CCSER1: variants seen among roughly 807,000 people sequenced by gnomAD.
CCSER1 encodes coiled-coil serine rich protein 1.
Under a neutral mutation model 82.0 loss-of-function variants are expected in CCSER1, and 41 were observed. The ratio of observed to expected loss-of-function variants is 0.50; its 90% CI spans 0.39 to 0.65. CCSER1 has a LOEUF of 0.65. Among genes scored for constraint, CCSER1 ranks in the 30% least tolerant of loss-of-function variants. CCSER1 has a pLI of 0.00. For missense variants in CCSER1, 1,119 were observed against 1,064.2 expected (o/e 1.05, Z -0.72); for synonymous variants, 414 against 383.9 (o/e 1.08, Z -0.92).
At chr4:91,396,150 T>C (rs1446482216) in intron 10 of CCSER1, among the ~76,000 whole-genome samples, 1 of 152,132 alleles carries the variant, frequency 6.6e-6, no homozygotes, top group African/African-American at 2.4e-5. Context: ...AACTGGGTCC[T>C]GTGAACTTTA....
At chr4:90,647,083 C>T (rs1184995373) in intron 6 of CCSER1, among the ~76,000 whole-genome samples, 1 of 152,072 alleles carries the variant, frequency 6.6e-6, no homozygotes, top group Non-Finnish European at 1.5e-5. Context: ...AATTTCTGTC[C>T]CTAGCATGAT....
At chr4:91,573,149 C>G (rs1343827674) in intron 10 of CCSER1, among the ~76,000 whole-genome samples, 1 of 152,182 alleles carries the variant, frequency 6.6e-6, no homozygotes, top group African/African-American at 2.4e-5. Context: ...GGGGGAACCC[C>G]TCCAACCCTG....
intron 3 of CCSER1, among the ~76,000 whole-genome samples, chr4:90,398,362 T>C (rs911691600): frequency 3.3e-5 from 5 of 152,182 alleles, no homozygotes; most frequent in Non-Finnish European, 7.4e-5. Context: ...GAATTCAAAA[T>C]CCAAGTGTAA....
intron 8 of CCSER1, among the ~76,000 whole-genome samples, chr4:90,910,853 A>G (rs1387891196): frequency 6.6e-6 from 1 of 151,970 alleles, no homozygotes; most frequent in Non-Finnish European, 1.5e-5. Flanking sequence ...CCAAAAACTG[A>G]AAGCATCTCA....
intron 10 of CCSER1, among the ~76,000 whole-genome samples, chr4:91,467,218 T>G (rs1756967223): frequency 6.6e-6 from 1 of 152,158 alleles, no homozygotes; most frequent in East Asian, 1.9e-4. Context: ...TACAACCATC[T>G]TTGACAAACC....
chr4:90,413,338 T>G (rs1755190073), intron 4 of CCSER1, among the ~76,000 whole-genome samples: 1 of 152,202 alleles, frequency 6.6e-6, no homozygotes, highest in Non-Finnish European at 1.5e-5. Context: ...TGCTCGTGGA[T>G]GGGTAGAACC....
rs187497547 is a variant in CCSER1 at position 90,148,248 on chromosome 4, G to A, written c.-42+20417G>A. On this transcript the variant is annotated intron_variant, in intron 1 of 10. Coordinates refer to ENST00000509176, the MANE Select transcript of CCSER1 (RefSeq NM_001145065.2). ...ACCTTTAGGAGTTAAAGAAATTAAT[G>A]GTTTATATTTTTCACTCAAATAAAC... is the stretch of plus-strand genomic sequence containing the variant. Among the ~76,000 whole-genome samples the A allele has an allele frequency of 3.3e-5, 5 of 152,084 alleles. No homozygotes were observed. The East Asian group carries it at 9.7e-4, about 29-fold the overall frequency.
intron 10 of CCSER1, among the ~76,000 whole-genome samples, chr4:91,164,578 A>G (rs189568813): frequency 3.0e-4 from 45 of 152,312 alleles, no homozygotes; most frequent in African/African-American, 1.1e-3. Flanking sequence ...AATCAAATGT[A>G]GACTTGGTCT....
chr4:91,551,815 C>CT (rs1048303936), intron 10 of CCSER1, among the ~76,000 whole-genome samples: 1 of 151,554 alleles, frequency 6.6e-6, no homozygotes, highest in Non-Finnish European at 1.5e-5. Context: ...CAAAAGGTCA[C>CT]TTTTTTGCAT....
At chr4:90,812,181 C>G (rs868605691) in intron 7 of CCSER1, among the ~76,000 whole-genome samples, 1 of 150,180 alleles carries the variant, frequency 6.7e-6, no homozygotes, top group African/African-American at 2.4e-5. Context: ...CTAGGCCACT[C>G]TCTCTTTTCA....
intron 8 of CCSER1, among the ~76,000 whole-genome samples, chr4:90,889,988 A>G (rs757010355): frequency 6.6e-6 from 1 of 152,098 alleles, no homozygotes; most frequent in Non-Finnish European, 1.5e-5. Context: ...TAAAGAGCAT[A>G]TTTTCTTTTA....
At chr4:90,747,702 G>T (rs146736411) in intron 7 of CCSER1, among the ~76,000 whole-genome samples, 1 of 151,102 alleles carries the variant, frequency 6.6e-6, no homozygotes, top group Non-Finnish European at 1.5e-5. Flanking sequence ...TGCACGATGT[G>T]CAGGTTAGTT....
intron 9 of CCSER1, among the ~76,000 whole-genome samples, chr4:91,037,658 TG>T (rs1462979435): frequency 6.6e-6 from 1 of 152,204 alleles, no homozygotes; most frequent in Admixed American, 6.5e-5. Flanking sequence ...TGATGTTTTT[TG>T]TATTTGCCAT....
At chr4:90,790,643 C>T (rs1478450091) in intron 7 of CCSER1, among the ~76,000 whole-genome samples, 2 of 152,160 alleles carry the variant, frequency 1.3e-5, no homozygotes, top group Non-Finnish European at 2.9e-5. Context: ...CAAACTGGAA[C>T]TTCCCAACAA....
chr4:91,226,934 A>C (rs1356304739), intron 10 of CCSER1, among the ~76,000 whole-genome samples: 1 of 151,870 alleles, frequency 6.6e-6, no homozygotes, highest in East Asian at 1.9e-4. Flanking sequence ...CATCTGTAAA[A>C]TGGTCATAAA....
At chr4:91,075,446 A>G (rs1339393455) in intron 9 of CCSER1, among the ~76,000 whole-genome samples, 1 of 152,158 alleles carries the variant, frequency 6.6e-6, no homozygotes, top group Non-Finnish European at 1.5e-5. Context: ...CATGCTAGGC[A>G]AATATTACAT....
intron 1 of CCSER1, among the ~76,000 whole-genome samples, chr4:90,196,685 A>ACACACACACACG (rs1736690388): frequency 6.6e-6 from 1 of 151,714 alleles, no homozygotes; most frequent in South Asian, 2.1e-4. Context: ...ACACACACAC[A>ACACACACACACG]CACAATCTTA....
chr4:91,389,075 G>T (rs1457320594), intron 10 of CCSER1, among the ~76,000 whole-genome samples: 1 of 151,952 alleles, frequency 6.6e-6, no homozygotes, highest in Non-Finnish European at 1.5e-5. Flanking sequence ...GCAGGGCAGA[G>T]TTTCTGAATT....
intron 6 of CCSER1, among the ~76,000 whole-genome samples, chr4:90,690,863 G>C (rs995211228): frequency 2.6e-5 from 4 of 152,016 alleles, no homozygotes; most frequent in Admixed American, 1.3e-4. Flanking sequence ...AGAATACAAA[G>C]TTGTATGCTT....
Sources: gnomAD v4.1 joint callset for allele counts (sites outside exome capture counted in the v4.1 genomes callset) on GRCh38, gnomAD v4.1.1 for gene constraint, MANE v1.5 for transcripts, NCBI Gene and HGNC (gene_info 2026-07-23, HGNC 2026-07-21) for gene names.